FOXN3: variants seen among roughly 807,000 people sequenced by gnomAD.
The protein encoded by FOXN3 is forkhead box N3.
Under a neutral mutation model 38.4 loss-of-function variants are expected in FOXN3, and 7 were observed. The observed-to-expected ratio is 0.18, with a 90% CI of 0.10 to 0.34. The LOEUF (loss-of-function observed/expected upper bound fraction) is 0.34, where lower values mean the gene tolerates loss of function less well. Among genes scored for constraint, FOXN3 ranks in the 10% least tolerant of loss-of-function variants. The probability of loss-of-function intolerance (pLI) is 1.00; values close to 1 mark genes in which losing one functional copy is unlikely to be tolerated. For synonymous variants in FOXN3, 230 were observed against 242.2 expected, an observed-to-expected ratio of 0.95 and a Z score of 0.47; for missense variants, 456 against 613.4, an observed-to-expected ratio of 0.74 and a Z score of 2.71.
chr14:89,168,145 CAA>C (rs1406416137), intron 5 of FOXN3, among the ~76,000 whole-genome samples: 1 of 151,896 alleles, frequency 6.6e-6, no homozygotes, highest in Non-Finnish European at 1.5e-5. Flanking sequence ...CCACCATAAG[CAA>C]AGAGACAAGA....
chr14:89,280,914 G>C lies in FOXN3; in HGVS notation c.745+36C>G, dbSNP rs2277522. ...GAGTGATGAAAGGCGGGTGGGTGAG[G>C]GGGAGGGAGAGGAAGGGGTGTTACT... On this transcript the variant is annotated intron_variant, in intron 4 of 5. Coordinates refer to ENST00000557258, the MANE Select transcript of FOXN3 (RefSeq NM_005197.4). 2,420 of 1,575,236 alleles carry C rather than the reference G, an allele frequency of 1.5e-3. 64 individuals carry two copies. In the East Asian group the frequency reaches 0.042, roughly 27 times the overall value.
intron 3 of FOXN3, among the ~76,000 whole-genome samples, chr14:89,298,962 G>GA (rs1310490712): frequency 6.6e-6 from 1 of 152,162 alleles, no homozygotes; most frequent in Admixed American, 6.5e-5. Context: ...ACCCTCATCT[G>GA]AATCTTCTCT....
chr14:89,519,013 TCAAA>T (rs67356638), intron 1 of FOXN3, among the ~76,000 whole-genome samples: 1,615 of 152,066 alleles, frequency 0.011, 29 homozygotes, highest in African/African-American at 0.037. Context: ...AGACTCTGCC[TCAAA>T]CAAACAAAAA....
intron 3 of FOXN3, among the ~76,000 whole-genome samples, chr14:89,347,634 C>T (rs894503247): frequency 2.0e-5 from 3 of 152,226 alleles, no homozygotes; most frequent in Non-Finnish European, 4.4e-5. Flanking sequence ...AACATCCTAA[C>T]ATACATTCAA....
chr14:89,186,460 G>A (rs2139802852), intron 4 of FOXN3, among the ~76,000 whole-genome samples: 1 of 152,210 alleles, frequency 6.6e-6, no homozygotes, highest in Non-Finnish European at 1.5e-5. Flanking sequence ...CTGACTCACG[G>A]GGCTTGTCAA....
At chr14:89,597,426 T>A (rs1408708981) in intron 1 of FOXN3, among the ~76,000 whole-genome samples, 1 of 152,220 alleles carries the variant, frequency 6.6e-6, no homozygotes, top group Non-Finnish European at 1.5e-5. Context: ...TTGAAAGGAA[T>A]ATCTACTCTG....
chr14:89,402,823 G>C (rs1460437154), intron 2 of FOXN3, among the ~76,000 whole-genome samples: 1 of 152,226 alleles, frequency 6.6e-6, no homozygotes, highest in African/African-American at 2.4e-5. Flanking sequence ...TCATGTAATG[G>C]AGAAATACGC....
At chr14:89,564,809 AAAG>A (rs1292913356) in intron 1 of FOXN3, among the ~76,000 whole-genome samples, 2 of 152,074 alleles carry the variant, frequency 1.3e-5, no homozygotes, top group Non-Finnish European at 2.9e-5. Context: ...CCTCATAAAA[AAAG>A]AAGATGGCAG....
intron 1 of FOXN3, among the ~76,000 whole-genome samples, chr14:89,462,725 C>T (rs1431806172): frequency 6.6e-6 from 1 of 151,112 alleles, no homozygotes; most frequent in African/African-American, 2.4e-5. Flanking sequence ...CGCTCTGTCG[C>T]CCCGGCTTGA....
intron 4 of FOXN3, among the ~76,000 whole-genome samples, chr14:89,239,548 T>A (rs930782875): frequency 1.3e-5 from 2 of 152,188 alleles, no homozygotes; most frequent in Non-Finnish European, 2.9e-5. Context: ...GAAATAGACA[T>A]AGGTGCAAAG....
chr14:89,302,639 AC>A (rs1262586939), intron 3 of FOXN3, among the ~76,000 whole-genome samples: 4 of 152,152 alleles, frequency 2.6e-5, no homozygotes, highest in African/African-American at 9.7e-5. Context: ...CAGGCCACAC[AC>A]CGCTGCCAAG....
At chr14:89,229,162 G>A (rs945561031) in intron 4 of FOXN3, among the ~76,000 whole-genome samples, 1 of 152,162 alleles carries the variant, frequency 6.6e-6, no homozygotes, top group Non-Finnish European at 1.5e-5. Context: ...TCCAGCACTC[G>A]TGTCTAGGGA....
At chr14:89,333,684 A>C (rs117207668) in intron 3 of FOXN3, among the ~76,000 whole-genome samples, 1,731 of 144,884 alleles carry the variant, frequency 0.012, 12 homozygotes, top group Non-Finnish European at 0.018. Context: ...ATCGCTTGAC[A>C]GAGGTTGCAG....
chr14:89,321,775 CCTGT>C (rs1887904854), intron 3 of FOXN3, among the ~76,000 whole-genome samples: 1 of 150,802 alleles, frequency 6.6e-6, no homozygotes, highest in African/African-American at 2.4e-5. Context: ...TCTTTCCATT[CCTGT>C]CTTTCTTCTT....
At chr14:89,410,216 C>G (rs1424417620) in intron 2 of FOXN3, among the ~76,000 whole-genome samples, 1 of 152,134 alleles carries the variant, frequency 6.6e-6, no homozygotes, top group East Asian at 1.9e-4. Flanking sequence ...TCTCCCATGC[C>G]AAAGACAAGG....
At chr14:89,478,537 A>G (rs1280590419) in intron 1 of FOXN3, among the ~76,000 whole-genome samples, 3 of 152,216 alleles carry the variant, frequency 2.0e-5, no homozygotes, top group Non-Finnish European at 4.4e-5. Flanking sequence ...ATCAGTCAGG[A>G]TCATACATTC....
At chr14:89,348,053 T>C (rs889614239) in intron 3 of FOXN3, among the ~76,000 whole-genome samples, 1 of 152,100 alleles carries the variant, frequency 6.6e-6, no homozygotes, top group Admixed American at 6.6e-5. Context: ...CTCTCAAATG[T>C]CTCGCTTTTC....
intron 3 of FOXN3, among the ~76,000 whole-genome samples, chr14:89,328,588 A>G (rs1222205164): frequency 6.6e-6 from 1 of 150,610 alleles, no homozygotes; most frequent in Non-Finnish European, 1.5e-5. Context: ...GATGAATAGG[A>G]GAAGAGACAT....
chr14:89,586,458 G>C (rs1895844530), intron 1 of FOXN3, among the ~76,000 whole-genome samples: 1 of 152,128 alleles, frequency 6.6e-6, no homozygotes, highest in South Asian at 2.1e-4. Flanking sequence ...GCGGTCTCCT[G>C]TGCTTACCAC....
Sources: gnomAD v4.1 joint callset for allele counts (sites outside exome capture counted in the v4.1 genomes callset) on GRCh38, gnomAD v4.1.1 for gene constraint, MANE v1.5 for transcripts, NCBI Gene and HGNC (gene_info 2026-07-23, HGNC 2026-07-21) for gene names.